MAP2K1: variants seen among roughly 807,000 people sequenced by gnomAD.
MAP2K1 encodes mitogen-activated protein kinase kinase 1, also known as dual specificity mitogen-activated protein kinase kinase 1.
In MAP2K1, 16 loss-of-function variants were observed where a neutral mutation model predicts 46.3. The observed-to-expected ratio is 0.35, with a 90% CI of 0.23 to 0.52. The LOEUF (loss-of-function observed/expected upper bound fraction) is 0.52, where lower values mean the gene tolerates loss of function less well. Ranked by LOEUF, MAP2K1 falls within the 20% of genes least tolerant of loss-of-function variation. The probability of loss-of-function intolerance (pLI) is 0.94; values close to 1 mark genes in which losing one functional copy is unlikely to be tolerated. For missense variants in MAP2K1, 263 were observed against 497.1 expected, an observed-to-expected ratio of 0.53 and a Z score of 4.48; for synonymous variants, 183 against 185.6, an observed-to-expected ratio of 0.99 and a Z score of 0.11.
intron 3 of MAP2K1, among the ~76,000 whole-genome samples, chr15:66,442,800 G>A (rs370993647): frequency 6.6e-6 from 1 of 152,210 alleles, no homozygotes; most frequent in Admixed American, 6.5e-5. Context: ...CCTCCAAAAT[G>A]TCTGACTGAC....
At chr15:66,396,544 A>C (rs1481750783) in intron 1 of MAP2K1, among the ~76,000 whole-genome samples, 1 of 152,134 alleles carries the variant, frequency 6.6e-6, no homozygotes, top group African/African-American at 2.4e-5. Context: ...TGCTGGGATT[A>C]CAGGCGTGAG....
rs909303790 is a variant in MAP2K1, at chr15:66,387,071, T to C, written c.-277T>C. 7.9e-6 allele frequency: 3 copies of C among 380,818 alleles called. No homozygotes were observed. Among genetic ancestry groups the C allele is most frequent in the Non-Finnish European group, 1.4e-5 (3 of 216,278 alleles). The allele number at this position is 380,818 out of a possible 1,614,324, so 23.6% of individuals were successfully genotyped here. A position where few individuals can be genotyped will look rare whatever the true frequency, so the allele number is the denominator to read the frequency against. The stretch of plus-strand genomic sequence containing the variant: ...GAGAGAGAGGAAGGGAATCCCGGGC[T>C]GCCGAACCGCACGTTCAGCCCGCTC... On this transcript the variant is annotated 5_prime_UTR_variant, in exon 1 of 11. Coordinates refer to ENST00000307102, the MANE Select transcript of MAP2K1 (RefSeq NM_002755.4).
rs189068414 is a variant in MAP2K1, at chr15:66,481,676, T to A, written c.569-79T>A. ...TCCTGGGACTCGTGGTCAGGGCTGG[T>A]CTGTGTGGAATGCTGATCCTTCTCT... On this transcript the variant is annotated intron_variant, in intron 5 of 10. Transcript: ENST00000307102. The A allele has an allele frequency of 6.5e-6, 10 of 1,538,814 alleles. No individual in the cohort carries two copies. The African/African-American group carries it at 1.4e-4, about 21-fold the overall frequency.
At chr15:66,457,557 C>G (rs564372379) in intron 5 of MAP2K1, among the ~76,000 whole-genome samples, 5 of 152,266 alleles carry the variant, frequency 3.3e-5, no homozygotes, top group Admixed American at 3.3e-4. Context: ...CTGTGTGGCC[C>G]TCAAAGCCAA....
intron 5 of MAP2K1, among the ~76,000 whole-genome samples, chr15:66,480,386 C>T (rs1325414083): frequency 6.6e-6 from 1 of 152,062 alleles, no homozygotes; most frequent in Non-Finnish European, 1.5e-5. Flanking sequence ...CATCGCCCGG[C>T]TTTTGTTTTT....
intron 3 of MAP2K1, among the ~76,000 whole-genome samples, chr15:66,440,417 T>C (rs1813602665): frequency 6.6e-6 from 1 of 152,196 alleles, no homozygotes; most frequent in African/African-American, 2.4e-5. Flanking sequence ...AAAGTAAATT[T>C]GTGTCATCAG....
chr15:66,393,300 C>A (rs1365816704), intron 1 of MAP2K1, among the ~76,000 whole-genome samples: 1 of 152,004 alleles, frequency 6.6e-6, no homozygotes, highest in Non-Finnish European at 1.5e-5. Context: ...GCCTTAGCCT[C>A]CTGAGTAGCT....
intron 1 of MAP2K1, among the ~76,000 whole-genome samples, chr15:66,398,631 G>A (rs1440068032): frequency 6.6e-6 from 1 of 151,920 alleles, no homozygotes; most frequent in Non-Finnish European, 1.5e-5. Flanking sequence ...CAGCCTGGGT[G>A]ACAGAGTGAG....
intron 3 of MAP2K1, among the ~76,000 whole-genome samples, chr15:66,440,937 A>G (rs1297740108): frequency 6.6e-6 from 1 of 152,072 alleles, no homozygotes; most frequent in Non-Finnish European, 1.5e-5. Context: ...AAGGGAAGAG[A>G]GCCAATGTTT....
intron 6 of MAP2K1, among the ~76,000 whole-genome samples, chr15:66,484,727 G>C (rs1892997098): frequency 6.6e-6 from 1 of 152,238 alleles, no homozygotes; most frequent in Non-Finnish European, 1.5e-5. Context: ...GTGGCAGCCA[G>C]GGCACAGCTG....
At chr15:66,489,977 G>A (rs1893190914) in intron 10 of MAP2K1, 3 of 622,462 alleles carry the variant, frequency 4.8e-6, no homozygotes, top group Non-Finnish European at 8.6e-6. Flanking sequence ...GTAAGCATAT[G>A]CCAGAGGAAA....
At chr15:66,398,781 C>T (rs72750423) in intron 1 of MAP2K1, among the ~76,000 whole-genome samples, 26,466 of 142,910 alleles carry the variant, frequency 0.19, 2,835 homozygotes, top group Middle Eastern at 0.3. Context: ...TTTTTTTTTT[C>T]TTTTTTTTTT....
At position 66,442,900 on chromosome 15, in the gene MAP2K1, T is replaced by C. The variant is rs77625920; in HGVS notation, c.439-380T>C. On this transcript the variant is annotated intron_variant, in intron 3 of 10. Transcript: ENST00000307102. Reference sequence around the variant, plus strand: ...CAGAACTCAGGGAAACACTTAATTTTACTGGTTTATTATAAAGGACATTGC... The same window carrying C: ...CAGAACTCAGGGAAACACTTAATTTCACTGGTTTATTATAAAGGACATTGC... 5.6e-3 allele frequency among the ~76,000 whole-genome samples: 853 copies of C among 152,242 alleles called. 12 individuals carry two copies. Among genetic ancestry groups the C allele is most frequent in the African/African-American group, 0.02 (813 of 41,536 alleles).
Position 66,425,417 on chromosome 15 carries a change from G to A in MAP2K1, c.81-9610G>A, listed in dbSNP as rs139850717. 3.2e-3 allele frequency among the ~76,000 whole-genome samples: 483 copies of A among 152,220 alleles called. 3 individuals are homozygous for A. Among genetic ancestry groups the A allele is most frequent in the South Asian group, 5.2e-3 (25 of 4,820 alleles). Reference sequence around the variant, plus strand: ...TTTAACCTCTTCCTTGACGCTAGCTGCTTGTGCAAATCACATCTTGGCCGC... The same window carrying A: ...TTTAACCTCTTCCTTGACGCTAGCTACTTGTGCAAATCACATCTTGGCCGC... On this transcript the variant is annotated intron_variant, in intron 1 of 10. Coordinates refer to ENST00000307102, the MANE Select transcript of MAP2K1 (RefSeq NM_002755.4).
chr15:66,438,654 GT>G (rs142126638), intron 3 of MAP2K1, among the ~76,000 whole-genome samples: 1 of 152,280 alleles, frequency 6.6e-6, no homozygotes, highest in African/African-American at 2.4e-5. Flanking sequence ...CTGCAGGTCA[GT>G]TTTTCCCCCC....
Position 66,438,074 on chromosome 15 carries a change from TC to T in MAP2K1, c.438+1186del, listed in dbSNP as rs148714036. On this transcript the variant is annotated intron_variant, in intron 3 of 10. Transcript: ENST00000307102. ...TTTTTAGGGTGATGAAGGGTTTTTT[TC>T]CCCTTTCTTTTTTTTTCTTTTTGTT... is the stretch of plus-strand genomic sequence containing the variant. Among the ~76,000 whole-genome samples the T allele has an allele frequency of 1.8e-3, 276 of 150,840 alleles. 1 individual carries two copies. The highest frequency in any genetic ancestry group is 6.3e-3 in the African/African-American group (259 of 41,178).
chr15:66,481,984 A>C (rs1186741145), intron 6 of MAP2K1, 105 bp downstream of exon 6: 7 of 1,393,058 alleles, frequency 5.0e-6, no homozygotes, highest in Non-Finnish European at 6.0e-6. Flanking sequence ...GGTAGGGGAC[A>C]AGAAGTGAGG....
intron 5 of MAP2K1, among the ~76,000 whole-genome samples, chr15:66,469,472 CTTTTTTTTTTTTTTTTT>C (rs370379739): frequency 1.3e-5 from 1 of 76,608 alleles, no homozygotes; most frequent in Non-Finnish European, 2.2e-5. Flanking sequence ...CTGGTGCCTC[CTTTTTTTTTTTTTTTTT>C]TTTTTTTTTT....
rs189482496 is a variant in MAP2K1 at position 66,429,726 on chromosome 15, G to A, written c.81-5301G>A. ...TAGCCTGGGGTGGAATCTGGAAGTT[G>A]GTAAGCTGTGCTTTTGGCACTCTCT... On this transcript the variant is annotated intron_variant, in intron 1 of 10. Coordinates refer to ENST00000307102, the MANE Select transcript of MAP2K1 (RefSeq NM_002755.4). Among the ~76,000 whole-genome samples the A allele has an allele frequency of 4.1e-4, 59 of 143,010 alleles. 1 individual carries two copies. The highest frequency in any genetic ancestry group is 3.8e-3 in the Admixed American group (52 of 13,510). 93.8% of individuals were successfully genotyped at this position (143,010 alleles called of 152,430 possible).
Sources: gnomAD v4.1 joint callset for allele counts (sites outside exome capture counted in the v4.1 genomes callset) on GRCh38, gnomAD v4.1.1 for gene constraint, MANE v1.5 for transcripts, NCBI Gene and HGNC (gene_info 2026-07-23, HGNC 2026-07-21) for gene names.